The following EFCAB14 variants were observed in gnomAD, a reference collection of about 807,000 sequenced individuals.
EFCAB14 encodes EF-hand calcium-binding domain-containing protein 14.
Under a neutral mutation model 56.5 loss-of-function variants are expected in EFCAB14, and 43 were observed. The ratio of observed to expected loss-of-function variants is 0.76; its 90% CI spans 0.60 to 0.98. The LOEUF (loss-of-function observed/expected upper bound fraction) is 0.98, where lower values mean the gene tolerates loss of function less well. Among genes scored for constraint, EFCAB14 ranks in the 50% least tolerant of loss-of-function variants. The pLI is 0.00. For missense variants in EFCAB14, 538 were observed against 580.3 expected, an observed-to-expected ratio of 0.93 and a Z score of 0.75; for synonymous variants, 235 against 212.9, an observed-to-expected ratio of 1.10 and a Z score of -0.90.
At chr1:46,708,107 A>G in intron 2 of EFCAB14, 56 bp from the exon 3 acceptor site, 1 of 1,492,638 alleles carries the variant, frequency 6.7e-7, no homozygotes, top group Non-Finnish European at 8.9e-7. Context: ...TCATGGTCCT[A>G]AGATGAAAAA....
intron 3 of EFCAB14, among the ~76,000 whole-genome samples, chr1:46,697,859 T>C (rs1309758920): frequency 3.3e-5 from 5 of 151,010 alleles, no homozygotes; most frequent in Non-Finnish European, 5.9e-5. Flanking sequence ...TCTCTCTTTT[T>C]TTTTTTTTTT....
chr1:46,679,007 C>T (rs1407634935), intron 10 of EFCAB14, among the ~76,000 whole-genome samples: 4 of 152,184 alleles, frequency 2.6e-5, no homozygotes, highest in African/African-American at 7.2e-5. Flanking sequence ...CTCATCTTCT[C>T]TCTGTCCAGC....
At chr1:46,686,923 T>C in intron 7 of EFCAB14, 53 bp from the exon 8 acceptor site, 1 of 1,557,370 alleles carries the variant, frequency 6.4e-7, no homozygotes, top group Non-Finnish European at 8.8e-7. Flanking sequence ...AAGGCAAACA[T>C]TAAAACTTGA....
At chr1:46,696,504 C>CT in intron 4 of EFCAB14, 47 bp downstream of exon 4, 1 of 1,553,688 alleles carries the variant, frequency 6.4e-7, no homozygotes, top group Non-Finnish European at 8.8e-7. Flanking sequence ...AGTACCCACA[C>CT]ATGGCACCTA....
At chr1:46,686,763 G>A in intron 8 of EFCAB14, 21 bp downstream of exon 8, 1 of 1,609,924 alleles carries the variant, frequency 6.2e-7, no homozygotes, top group Non-Finnish European at 8.5e-7. Context: ...TTTACTTCAG[G>A]GTAAGCCTCC....
intron 5 of EFCAB14, 42 bp downstream of exon 5, chr1:46,691,785 A>C: frequency 6.7e-7 from 1 of 1,495,870 alleles, no homozygotes; most frequent in Non-Finnish European, 9.2e-7. Context: ...CTTACACAAA[A>C]AAGGGTGAGC....
chr1:46,691,060 CG>C (rs1557443159), intron 5 of EFCAB14, among the ~76,000 whole-genome samples: 1 of 152,146 alleles, frequency 6.6e-6, no homozygotes, highest in Non-Finnish European at 1.5e-5. Flanking sequence ...AAATCCTTCA[CG>C]GGGCTGTCAC....
intron 2 of EFCAB14, among the ~76,000 whole-genome samples, chr1:46,711,516 G>GA (rs1330240299): frequency 6.6e-6 from 1 of 152,168 alleles, no homozygotes; most frequent in African/African-American, 2.4e-5. Flanking sequence ...GCCAAGAGGG[G>GA]ATCACAATGA....
At chr1:46,678,707 AC>A in intron 10 of EFCAB14, 71 bp from the exon 11 acceptor site, 1 of 1,433,016 alleles carries the variant, frequency 7.0e-7, no homozygotes, top group Non-Finnish European at 9.4e-7. Context: ...AGTAGTCTCA[AC>A]TGAATTTAAA....
At position 46,676,125 on chromosome 1, in the gene EFCAB14, G is replaced by A. The variant is rs1306378829; in HGVS notation, c.*2336C>T. The A allele has an allele frequency of 6.6e-6, 1 of 152,228 alleles. No homozygotes were observed. The highest frequency in any genetic ancestry group is 2.4e-5 in the African/African-American group (1 of 41,452). The allele number at this position is 152,228 out of a possible 1,614,324, so 9.4% of individuals were successfully genotyped here. A position where few individuals can be genotyped will look rare whatever the true frequency, so the allele number is the denominator to read the frequency against. On this transcript the variant is annotated 3_prime_UTR_variant, in exon 11 of 11. Coordinates refer to ENST00000371933, the MANE Select transcript of EFCAB14 (RefSeq NM_014774.3). ...GCTTATGGGATGCTTAAGCCAGTGA[G>A]TCTGCTCAACTCAGAAGAAAGGAGT... is the stretch of plus-strand genomic sequence containing the variant.
chr1:46,695,843 C>T (rs561474548), intron 4 of EFCAB14, among the ~76,000 whole-genome samples: 31 of 152,230 alleles, frequency 2.0e-4, no homozygotes, highest in African/African-American at 7.2e-4. Flanking sequence ...CCATGCCCAG[C>T]TAACTTTAAA....
At chr1:46,717,507 T>G (rs143481293) in intron 1 of EFCAB14, among the ~76,000 whole-genome samples, 11 of 152,302 alleles carry the variant, frequency 7.2e-5, no homozygotes, top group African/African-American at 2.4e-4. Flanking sequence ...TTCAGACTCA[T>G]CAAGAGTGCA....
At chr1:46,717,443 C>G (rs906391865) in intron 1 of EFCAB14, among the ~76,000 whole-genome samples, 3 of 152,186 alleles carry the variant, frequency 2.0e-5, no homozygotes, top group Non-Finnish European at 2.9e-5. Context: ...CACCTACTCT[C>G]AAGGCTCATA....
At chr1:46,695,645 T>A (rs1677068432) in intron 4 of EFCAB14, among the ~76,000 whole-genome samples, 1 of 152,180 alleles carries the variant, frequency 6.6e-6, no homozygotes, top group South Asian at 2.1e-4. Context: ...CAGGGGATGA[T>A]GTTCTTTATG....
chr1:46,690,530 GAGA>G (rs1229496461), intron 5 of EFCAB14, among the ~76,000 whole-genome samples: 1 of 152,190 alleles, frequency 6.6e-6, no homozygotes, highest in East Asian at 1.9e-4. Context: ...AAAAGGAGGA[GAGA>G]AGGAGGGGGG....
intron 2 of EFCAB14, among the ~76,000 whole-genome samples, chr1:46,714,031 C>T (rs1429036134): frequency 6.6e-6 from 1 of 152,082 alleles, no homozygotes; most frequent in Non-Finnish European, 1.5e-5. Context: ...CATACTGAAT[C>T]CCCAGCCCCA....
chr1:46,708,152 A>C, intron 2 of EFCAB14, 101 bp from the exon 3 acceptor site: 1 of 1,150,440 alleles, frequency 8.7e-7, no homozygotes, highest in Non-Finnish European at 1.2e-6. Context: ...TGGATTAATA[A>C]AAGTTAATTC....
chr1:46,701,263 C>G (rs760695711), intron 3 of EFCAB14, among the ~76,000 whole-genome samples: 1 of 152,210 alleles, frequency 6.6e-6, no homozygotes, highest in Non-Finnish European at 1.5e-5. Flanking sequence ...ACCACTGTAA[C>G]ATGCCCAATC....
chr1:46,678,619 G>A lies in EFCAB14; in HGVS notation c.1330C>T (p.Arg444Cys), dbSNP rs563918640. 1.2e-5 allele frequency: 20 copies of A among 1,611,894 alleles called. No individual in the cohort carries two copies. The highest frequency in any genetic ancestry group is 5.3e-5 in the African/African-American group (4 of 74,874). ...SSTEDLQDLFRKTGQDVDGKL... is the reference protein window; with the variant it reads ...SSTEDLQDLFCKTGQDVDGKL... ...CCATCCACGTCCTGGCCAGTCTTGC[G>A]GAATAAATCCTGAAGATCTGTCAAA... Residue 444 changes from arginine (R) to cysteine (C), a missense_variant, in exon 11 of 11, where the codon CGC becomes TGC. Coordinates refer to ENST00000371933, the MANE Select transcript of EFCAB14 (RefSeq NM_014774.3).
Sources: allele counts gnomAD v4.1 joint callset (sites outside exome capture counted in the v4.1 genomes callset), GRCh38; gene constraint gnomAD v4.1.1; transcripts MANE v1.5; gene names NCBI Gene and HGNC (gene_info 2026-07-23, HGNC 2026-07-21).